GRM3: variants seen among roughly 807,000 people sequenced by gnomAD.
GRM3 encodes the protein glutamate metabotropic receptor 3.
A neutral mutation model predicts 70.5 loss-of-function variants in GRM3; 26 were observed. The ratio of observed to expected loss-of-function variants is 0.37; its 90% confidence interval spans 0.27 to 0.51. The LOEUF (loss-of-function observed/expected upper bound fraction) is 0.51, where lower values mean the gene tolerates loss of function less well. GRM3 is among the 20% of genes least tolerant of loss of function. GRM3 has a pLI of 0.93. For missense variants in GRM3, 859 were observed against 1,123.8 expected, an observed-to-expected ratio of 0.76 and a Z score of 3.37; for synonymous variants, 443 against 434.9, an observed-to-expected ratio of 1.02 and a Z score of -0.23.
chr7:86,700,750 T>C (rs1408494392), intron 1 of GRM3, among the ~76,000 whole-genome samples: 1 of 151,932 alleles, frequency 6.6e-6, no homozygotes, highest in Non-Finnish European at 1.5e-5. Context: ...TATATAAAAA[T>C]GCAATGTGAA....
At chr7:86,647,954 T>C (rs1562811974) in intron 1 of GRM3, among the ~76,000 whole-genome samples, 1 of 152,270 alleles carries the variant, frequency 6.6e-6, no homozygotes, top group Non-Finnish European at 1.5e-5. Flanking sequence ...TTTGTTGTGA[T>C]ATTCAGCTTA....
chr7:86,748,153 C>A (rs951285344), intron 1 of GRM3, among the ~76,000 whole-genome samples: 1 of 151,916 alleles, frequency 6.6e-6, no homozygotes, highest in African/African-American at 2.4e-5. Flanking sequence ...AATCTTTCAC[C>A]TTTTCACCAT....
chr7:86,739,866 G>A (rs923023387), intron 1 of GRM3, among the ~76,000 whole-genome samples: 1 of 152,144 alleles, frequency 6.6e-6, no homozygotes, highest in Non-Finnish European at 1.5e-5. Flanking sequence ...CCAGTTTTGT[G>A]ATCTTCAGCA....
intron 3 of GRM3, among the ~76,000 whole-genome samples, chr7:86,812,733 T>C (rs1191227506): frequency 1.3e-5 from 2 of 151,798 alleles, no homozygotes; most frequent in African/African-American, 2.4e-5. Context: ...ATTGGTCTAT[T>C]TGGGGAGAAA....
chr7:86,644,911 G>A (rs1017963317), intron 1 of GRM3, 39 bp downstream of exon 1: 2 of 1,180,798 alleles, frequency 1.7e-6, no homozygotes, highest in South Asian at 1.3e-5. Context: ...TCTGGAGGGC[G>A]CCCAGCCAGG....
intron 1 of GRM3, chr7:86,710,097 A>G (rs1372854975): frequency 6.6e-6 from 1 of 152,094 alleles, no homozygotes; most frequent in Admixed American, 6.6e-5. Context: ...ACCCACAGCC[A>G]CACAATAATC....
intron 2 of GRM3, among the ~76,000 whole-genome samples, chr7:86,773,417 G>C (rs1401747678): frequency 6.6e-6 from 1 of 151,738 alleles, no homozygotes; most frequent in Non-Finnish European, 1.5e-5. Flanking sequence ...ACAGTTTCAA[G>C]AGGAATTGAG....
Position 86,816,964 on chromosome 7 carries a change from C to G in GRM3, c.1325-21875C>G, listed in dbSNP as rs544474350. ...TGAAGAAAGAGAAAAAGGCACAGAA[C>G]AGAACCCTGAGGTTCTCCATATTTA... On this transcript the variant is annotated intron_variant, in intron 3 of 5. Transcript: ENST00000361669. Among the ~76,000 whole-genome samples, 10 of 151,942 alleles carry G rather than the reference C, an allele frequency of 6.6e-5. No homozygotes were observed. In the South Asian group the frequency reaches 2.1e-3, roughly 32 times the overall value.
rs1796569188 is a variant in GRM3 at position 86,765,144 on chromosome 7, T to A, written c.-2T>A. ...TCTCCCAGAGGTACAGAAACAGGAT[T>A]CATGAAGATGTTGACAAGACTGCAA... is the stretch of plus-strand genomic sequence containing the variant. On this transcript the variant is annotated 5_prime_UTR_variant, in exon 2 of 6. Coordinates refer to ENST00000361669, the MANE Select transcript of GRM3 (RefSeq NM_000840.3). The A allele has an allele frequency of 2.6e-6, 4 of 1,563,982 alleles. No individual in the cohort carries two copies. Among genetic ancestry groups the A allele is most frequent in the Non-Finnish European group, 3.4e-6 (4 of 1,159,636 alleles).
chr7:86,705,770 T>A (rs1795042925), intron 1 of GRM3, among the ~76,000 whole-genome samples: 1 of 152,078 alleles, frequency 6.6e-6, no homozygotes, highest in South Asian at 2.1e-4. Flanking sequence ...ATAATAATTT[T>A]ATATCACCAT....
At chr7:86,696,518 C>T (rs1459880996) in intron 1 of GRM3, among the ~76,000 whole-genome samples, 1 of 152,192 alleles carries the variant, frequency 6.6e-6, no homozygotes, top group Non-Finnish European at 1.5e-5. Context: ...CTTATGATCT[C>T]CAGAACTGCA....
chr7:86,839,559 T>C lies in GRM3; in HGVS notation c.2045T>C (p.Phe682Ser). The stretch of plus-strand genomic sequence containing the variant: ...AAGAATGGCGCTCAGAGGCCAAAAT[T>C]CATCAGCCCCAGTTCTCAGGTTTTC... ...GVKNGAQRPK[F>S]ISPSSQVFIC... The change falls in exon 4 of 6, where the codon TTC becomes TCC. Residue 682 changes from phenylalanine to serine, a missense_variant. Transcript: ENST00000361669. The surrounding 1 kb of genome is among the most constrained non-coding windows in gnomAD (Gnocchi z 4.5). 1.9e-6 allele frequency: 3 copies of C among 1,609,626 alleles called. No individual in the cohort carries two copies. Among genetic ancestry groups the C allele is most frequent in the Non-Finnish European group, 2.5e-6 (3 of 1,177,264 alleles).
Position 86,786,697 on chromosome 7 carries a change from G to A in GRM3, c.905G>A (p.Gly302Asp), listed in dbSNP as rs2116546144. The A allele has an allele frequency of 6.2e-7, 1 of 1,612,330 alleles. No homozygotes were observed. Among genetic ancestry groups the A allele is most frequent in the Non-Finnish European group, 8.5e-7 (1 of 1,179,986 alleles). Residue 302 changes from glycine to aspartate, a missense_variant, in exon 3 of 6, where the codon GGC becomes GAC. Gly to Asp is a moderately conservative substitution (Grantham distance 94). Coordinates refer to ENST00000361669, the MANE Select transcript of GRM3 (RefSeq NM_000840.3). The surrounding 1 kb of genome is among the most constrained non-coding windows in gnomAD (Gnocchi z 6.0). ...NASFTWVASDGWGAQESIIKG... is the reference protein window; with the variant it reads ...NASFTWVASDDWGAQESIIKG... ...TCCTTCACCTGGGTGGCCAGCGACG[G>A]CTGGGGCGCGCAGGAGAGCATCATC...
chr7:86,653,520 T>C (rs1051230171), intron 1 of GRM3, among the ~76,000 whole-genome samples: 47 of 152,356 alleles, frequency 3.1e-4, no homozygotes, highest in African/African-American at 9.4e-4. Context: ...ATAAGTTGTA[T>C]GAATAGATTT....
chr7:86,705,560 T>C (rs1795037954), intron 1 of GRM3, among the ~76,000 whole-genome samples: 1 of 152,070 alleles, frequency 6.6e-6, no homozygotes, highest in African/African-American at 2.4e-5. Context: ...TCTAGAAGCC[T>C]TTTAAATTTT....
At chr7:86,665,840 GA>G (rs1386949670) in intron 1 of GRM3, among the ~76,000 whole-genome samples, 1 of 152,008 alleles carries the variant, frequency 6.6e-6, no homozygotes, top group African/African-American at 2.4e-5. Flanking sequence ...CAGTGATTAT[GA>G]AACTAAAGCA....
At chr7:86,688,897 G>A (rs1794631586) in intron 1 of GRM3, among the ~76,000 whole-genome samples, 1 of 148,092 alleles carries the variant, frequency 6.8e-6, no homozygotes, top group Non-Finnish European at 1.5e-5. Flanking sequence ...GTTCACAAAG[G>A]GTTAAGGAAT....
intron 1 of GRM3, among the ~76,000 whole-genome samples, chr7:86,760,514 G>A (rs900632689): frequency 2.6e-5 from 4 of 152,062 alleles, no homozygotes; most frequent in African/African-American, 4.8e-5. Context: ...GTTTATCTGA[G>A]GAATGTGCTG....
chr7:86,686,756 A>G lies in GRM3; in HGVS notation c.-141+41884A>G, dbSNP rs189684466. 2.0e-5 allele frequency among the ~76,000 whole-genome samples: 3 copies of G among 152,268 alleles called. No homozygotes were observed. The East Asian group carries it at 5.8e-4, about 29-fold the overall frequency. On this transcript the variant is annotated intron_variant, in intron 1 of 5. Coordinates refer to ENST00000361669, the MANE Select transcript of GRM3 (RefSeq NM_000840.3). The stretch of plus-strand genomic sequence containing the variant: ...TTCAAAACATACAAGGCTTGCTAAA[A>G]ACAAGCTCATCAGCAAATAAAAGAA...
Sources: allele counts gnomAD v4.1 joint callset (sites outside exome capture counted in the v4.1 genomes callset), GRCh38; gene constraint gnomAD v4.1.1; non-coding constraint Gnocchi (gnomAD v3.1); transcripts MANE v1.5; gene names NCBI Gene and HGNC (gene_info 2026-07-23, HGNC 2026-07-21).